PTPRD: variants seen among roughly 807,000 people sequenced by gnomAD.
PTPRD encodes the protein protein tyrosine phosphatase receptor type D, also known as receptor-type tyrosine-protein phosphatase delta.
In PTPRD, 34 loss-of-function variants were observed where a neutral mutation model predicts 214.5. The observed-to-expected ratio is 0.16, with a 90% CI of 0.12 to 0.21. The LOEUF is 0.21. Among genes scored for constraint, PTPRD ranks in the 10% least tolerant of loss-of-function variants. The pLI is 1.00. For missense variants in PTPRD, 2,545 were observed against 2,398.7 expected (o/e 1.06, Z -1.27); for synonymous variants, 1,128 against 845.7 (o/e 1.33, Z -5.79).
chr9:10,594,482 T>G (rs1006140751), intron 2 of PTPRD, among the ~76,000 whole-genome samples: 4 of 152,046 alleles, frequency 2.6e-5, no homozygotes, highest in African/African-American at 7.2e-5. Flanking sequence ...TATTTATACC[T>G]GAGTTTTCAG....
At chr9:9,240,017 C>T (rs1160322693) in intron 9 of PTPRD, among the ~76,000 whole-genome samples, 1 of 152,072 alleles carries the variant, frequency 6.6e-6, no homozygotes, top group Non-Finnish European at 1.5e-5. Flanking sequence ...GGATTGGTTT[C>T]AATTTTTCAA....
At chr9:9,675,138 T>C (rs1475340975) in intron 7 of PTPRD, among the ~76,000 whole-genome samples, 1 of 151,870 alleles carries the variant, frequency 6.6e-6, no homozygotes, top group Non-Finnish European at 1.5e-5. Flanking sequence ...ACATTCAAAG[T>C]CAATTATGAA....
intron 8 of PTPRD, among the ~76,000 whole-genome samples, chr9:9,404,561 G>A (rs186507129): frequency 5.6e-4 from 85 of 152,168 alleles, no homozygotes; most frequent in South Asian, 2.3e-3. Flanking sequence ...AAAAATACAC[G>A]TTTACTGTAT....
chr9:8,707,155 T>C lies in PTPRD; in HGVS notation c.64+26625A>G, dbSNP rs79360878. Among the ~76,000 whole-genome samples the C allele has an allele frequency of 5.3e-3, 809 of 152,352 alleles. 11 individuals are homozygous for C. Among genetic ancestry groups the C allele is most frequent in the African/African-American group, 0.018 (767 of 41,582 alleles). Reference sequence around the variant, plus strand: ...ATAGGACCTTAAGGACTATACTCTATGTCTTTGTTGCAGCAATAAAATATG... The same window carrying C: ...ATAGGACCTTAAGGACTATACTCTACGTCTTTGTTGCAGCAATAAAATATG... On this transcript the variant is annotated intron_variant, in intron 12 of 45. Transcript: ENST00000381196.
chr9:8,751,007 A>C (rs1376842318), intron 11 of PTPRD, among the ~76,000 whole-genome samples: 5 of 152,168 alleles, frequency 3.3e-5, no homozygotes, highest in East Asian at 1.9e-4. Flanking sequence ...ATAGCCATTA[A>C]GCTCTATTGT....
chr9:9,958,648 T>G (rs2094136266), intron 4 of PTPRD, among the ~76,000 whole-genome samples: 1 of 152,158 alleles, frequency 6.6e-6, no homozygotes, highest in South Asian at 2.1e-4. Context: ...AAAACACATA[T>G]CTGCCAAAAA....
intron 8 of PTPRD, among the ~76,000 whole-genome samples, chr9:9,455,852 C>CGGG (rs2092915913): frequency 2.6e-5 from 4 of 151,818 alleles, no homozygotes; most frequent in Non-Finnish European, 5.9e-5. Flanking sequence ...ATGGATGCTA[C>CGGG]TAGAGCAGGG....
intron 7 of PTPRD, among the ~76,000 whole-genome samples, chr9:9,604,780 A>T (rs1187305459): frequency 6.6e-6 from 1 of 151,998 alleles, no homozygotes; most frequent in African/African-American, 2.4e-5. Flanking sequence ...AAAAGTTTAC[A>T]TTTTTGTTTT....
intron 4 of PTPRD, among the ~76,000 whole-genome samples, chr9:9,946,832 G>A (rs1469127867): frequency 6.6e-6 from 1 of 152,042 alleles, no homozygotes; most frequent in Non-Finnish European, 1.5e-5. Context: ...CAAAACTCAA[G>A]TAGTTCCACT....
intron 3 of PTPRD, among the ~76,000 whole-genome samples, chr9:10,037,435 T>C (rs1479925912): frequency 6.6e-6 from 1 of 152,126 alleles, no homozygotes; most frequent in Non-Finnish European, 1.5e-5. Context: ...CATATGAAGA[T>C]GCCTGCTCCA....
At chr9:9,585,877 T>C (rs1401331844) in intron 7 of PTPRD, among the ~76,000 whole-genome samples, 1 of 151,968 alleles carries the variant, frequency 6.6e-6, no homozygotes, top group East Asian at 1.9e-4. Flanking sequence ...TTGAGGTGTG[T>C]TCTGATTGGA....
chr9:8,846,037 C>A (rs920954751), intron 11 of PTPRD, among the ~76,000 whole-genome samples: 31 of 152,184 alleles, frequency 2.0e-4, no homozygotes, highest in African/African-American at 7.0e-4. Flanking sequence ...TTAAGTGCAT[C>A]TGGGAATTGC....
intron 3 of PTPRD, among the ~76,000 whole-genome samples, chr9:10,171,956 A>G (rs1442122808): frequency 6.6e-6 from 1 of 152,188 alleles, no homozygotes; most frequent in African/African-American, 2.4e-5. Flanking sequence ...ACATGGTGTT[A>G]TATTTTCCTT....
At chr9:8,673,030 G>A (rs2097319835) in intron 12 of PTPRD, among the ~76,000 whole-genome samples, 1 of 151,732 alleles carries the variant, frequency 6.6e-6, no homozygotes, top group Non-Finnish European at 1.5e-5. Context: ...TATCAAACCT[G>A]CAAAACTTAG....
intron 9 of PTPRD, among the ~76,000 whole-genome samples, chr9:9,286,520 A>G (rs1224596899): frequency 6.6e-6 from 1 of 151,746 alleles, no homozygotes; most frequent in Non-Finnish European, 1.5e-5. Flanking sequence ...AGTTTTGAAC[A>G]CATTACTTCC....
At chr9:10,363,922 AT>A (rs964488023) in intron 2 of PTPRD, among the ~76,000 whole-genome samples, 10 of 146,694 alleles carry the variant, frequency 6.8e-5, no homozygotes, top group African/African-American at 2.3e-4. Context: ...TATTATAGGA[AT>A]TTTTTTTGCT....
At chr9:10,339,239 T>C (rs2096896872) in intron 3 of PTPRD, among the ~76,000 whole-genome samples, 1 of 151,820 alleles carries the variant, frequency 6.6e-6, no homozygotes, top group Non-Finnish European at 1.5e-5. Context: ...CTATAAGTGT[T>C]ACAACCATGC....
At chr9:8,400,502 G>A (rs927416876) in intron 36 of PTPRD, among the ~76,000 whole-genome samples, 2 of 152,154 alleles carry the variant, frequency 1.3e-5, no homozygotes, top group Non-Finnish European at 2.9e-5. Flanking sequence ...AGGAAATGAA[G>A]TTCTAAAACC....
chr9:9,068,992 A>T (rs1357316043), intron 10 of PTPRD, among the ~76,000 whole-genome samples: 1 of 152,194 alleles, frequency 6.6e-6, no homozygotes, highest in Non-Finnish European at 1.5e-5. Flanking sequence ...ATTGTCTTCA[A>T]TTCTGTAGTA....
Sources: gnomAD v4.1 joint callset for allele counts (sites outside exome capture counted in the v4.1 genomes callset) on GRCh38, gnomAD v4.1.1 for gene constraint, MANE v1.5 for transcripts, NCBI Gene and HGNC (gene_info 2026-07-23, HGNC 2026-07-21) for gene names.